C2orf81: variants seen among roughly 807,000 people sequenced by gnomAD.
C2orf81 encodes uncharacterized protein C2orf81.
A neutral mutation model predicts 7.9 loss-of-function variants in C2orf81; 5 were observed. The observed-to-expected ratio is 0.63, with a 90% CI of 0.33 to 1.33. C2orf81 has a LOEUF of 1.33. Ranked by LOEUF, C2orf81 falls within the 40% of genes most tolerant of loss-of-function variation. The pLI is 0.05. For missense variants in C2orf81, 781 were observed against 830.4 expected, an observed-to-expected ratio of 0.94 and a Z score of 0.73; for synonymous variants, 346 against 367.4, an observed-to-expected ratio of 0.94 and a Z score of 0.66.
At chr2:74,416,382 ATACT>A in intron 1 of C2orf81, 141 bp from the exon 2 acceptor site, 1 of 420,590 alleles carries the variant, frequency 2.4e-6, no homozygotes, top group Non-Finnish European at 4.2e-6. Context: ...TATGTGACAG[ATACT>A]TAGTAGATGT....
At chr2:74,419,249 A>T (rs1422804856) in intron 1 of C2orf81, among the ~76,000 whole-genome samples, 1 of 152,012 alleles carries the variant, frequency 6.6e-6, no homozygotes, top group African/African-American at 2.4e-5. Context: ...AGTGGCGCAC[A>T]CCCACAGTAC....
At chr2:74,417,671 G>A in intron 1 of C2orf81, 1 of 676,076 alleles carries the variant, frequency 1.5e-6, no homozygotes, top group Non-Finnish European at 2.2e-6. Context: ...GGAGTGGGGT[G>A]TGCCAGAATG....
rs531150326 is a variant in C2orf81, at chr2:74,421,619, C to G, written c.-59G>C. 2 of 439,078 alleles carry G rather than the reference C, an allele frequency of 4.6e-6. No homozygotes were observed. Among genetic ancestry groups the G allele is most frequent in the African/African-American group, 4.1e-5 (2 of 48,756 alleles). The allele number at this position is 439,078 out of a possible 1,614,324, so 27.2% of individuals were successfully genotyped here. A position where few individuals can be genotyped will look rare whatever the true frequency, so the allele number is the denominator to read the frequency against. ...GCTGCATCCGGGCCGCGTAAGCCAC[C>G]TAACAGTCGCCTGGGCAACCACGGG... On this transcript the variant is annotated 5_prime_UTR_variant, in exon 1 of 3. Transcript: ENST00000684111.
rs999664126 is a variant in C2orf81 at position 74,417,497 on chromosome 2, T to A, written c.19-1256A>T. ...AGTAGGGGACTCACACCCCTCCCGC[T>A]TTCCTGTAGCCAATGGGGGCTGTCC... On this transcript the variant is annotated intron_variant, in intron 1 of 2. Coordinates refer to ENST00000684111, the MANE Select transcript of C2orf81 (RefSeq NM_001316764.3). The A allele has an allele frequency of 5.6e-6, 7 of 1,253,338 alleles. No homozygotes were observed. The African/African-American group carries it at 1.1e-4, about 19-fold the overall frequency. The allele number at this position is 1,253,338 out of a possible 1,614,324, so 77.6% of individuals were successfully genotyped here.
intron 1 of C2orf81, chr2:74,418,374 C>T: frequency 6.3e-7 from 1 of 1,594,440 alleles, no homozygotes; most frequent in East Asian, 2.2e-5. Flanking sequence ...CACGGCCCCG[C>T]TTCTCAGTGC....
intron 1 of C2orf81, chr2:74,418,172 CCA>C (rs1676516050): frequency 8.8e-7 from 1 of 1,132,548 alleles, no homozygotes; most frequent in African/African-American, 1.5e-5. Context: ...TCCTCCTTCT[CCA>C]GTTTTTTGGG....
At chr2:74,417,514 G>T in intron 1 of C2orf81, 1 of 1,199,188 alleles carries the variant, frequency 8.3e-7, no homozygotes, top group Non-Finnish European at 1.1e-6. Context: ...TAGCCAATGG[G>T]GGCTGTCCAA....
Position 74,415,190 on chromosome 2 carries a change from C to A in C2orf81, c.987G>T (p.Ser329=), listed in dbSNP as rs1676415188. The A allele has an allele frequency of 5.9e-6, 9 of 1,514,128 alleles. No homozygotes were observed. The highest frequency in any genetic ancestry group is 7.9e-6 in the Non-Finnish European group (9 of 1,144,742). The allele number at this position is 1,514,128 out of a possible 1,614,324, so 93.8% of individuals were successfully genotyped here. Residue 329 remains serine (S), a synonymous_variant, in exon 3 of 3, where the codon TCG becomes TCT. Transcript: ENST00000684111. This position sits in a 1 kb window ranked among gnomAD's most constrained non-coding sequence, Gnocchi z 5.5. ...LRSEGVPCIA[S]GVLVSYPSVG... is the part of the protein sequence containing the mutation. ...CAGAGGGGTAGGACACCAACACGCC[C>A]GAGGCGATGCAGGGCACCCCCTCTG...
chr2:74,415,031 C>G lies in C2orf81; in HGVS notation c.1146G>C (p.Pro382=), dbSNP rs1428653200. The change falls in exon 3 of 3, where the codon CCG becomes CCC. Residue 382 remains proline, a synonymous_variant. Transcript: ENST00000684111. This position sits in a 1 kb window ranked among gnomAD's most constrained non-coding sequence, Gnocchi z 5.5. ...CAGCCAGAGGGCGCACCCAGTGGCA[C>G]GGGAGCCTCGCAGGGTCCAGGCGTT... ...AVKRLDPARL[P]CHWVRPLAEV... is the part of the protein sequence containing the mutation. 1.3e-6 allele frequency: 2 copies of G among 1,548,488 alleles called. No individual in the cohort carries two copies. Among genetic ancestry groups the G allele is most frequent in the Admixed American group, 3.9e-5 (2 of 50,886 alleles).
At chr2:74,417,456 G>A in intron 1 of C2orf81, 1 of 1,307,556 alleles carries the variant, frequency 7.6e-7, no homozygotes, top group African/African-American at 1.5e-5. Context: ...GGGGGCTGGG[G>A]CCACTGCAAA....
rs1473208486 is a variant in C2orf81, at chr2:74,414,533, C to T, written c.1644G>A (p.Pro548=). The T allele has an allele frequency of 2.9e-5, 44 of 1,543,616 alleles. No individual in the cohort carries two copies. The highest frequency in any genetic ancestry group is 3.6e-5 in the Non-Finnish European group (41 of 1,141,816). The part of the protein sequence containing the change: ...DPGRWPRTTP[P]VLEATSQVMW... The stretch of plus-strand genomic sequence containing the variant: ...TCACCTGGGAAGTGGCTTCAAGGAC[C>T]GGGGGTGTGGTTCGAGGCCATCTGC... Residue 548 remains proline, a synonymous_variant, in exon 3 of 3, where the codon CCG becomes CCA. Coordinates refer to ENST00000684111, the MANE Select transcript of C2orf81 (RefSeq NM_001316764.3). This position sits in a 1 kb window ranked among gnomAD's most constrained non-coding sequence, Gnocchi z 5.3.
At chr2:74,418,118 G>A in intron 1 of C2orf81, 4 of 758,296 alleles carry the variant, frequency 5.3e-6, no homozygotes, top group Middle Eastern at 3.6e-4. Flanking sequence ...GTCCCAGAAG[G>A]AAGCTGCTCC....
At chr2:74,421,248 G>C (rs756604016) in intron 1 of C2orf81, among the ~76,000 whole-genome samples, 50 of 152,176 alleles carry the variant, frequency 3.3e-4, no homozygotes, top group Non-Finnish European at 6.2e-4. Flanking sequence ...CACCATGTAA[G>C]AGACTTACTA....
In C2orf81 at chr2:74,417,577, G is replaced by A. The variant is rs538605361; in HGVS notation, c.19-1336C>T. ...GAAGGATGAAAGGTGTGAGCCTCAC[G>A]TGGTGACAAAGACAGTTTGGCTGGG... is the stretch of plus-strand genomic sequence containing the variant. On this transcript the variant is annotated intron_variant, in intron 1 of 2. Coordinates refer to ENST00000684111, the MANE Select transcript of C2orf81 (RefSeq NM_001316764.3). 6.2e-4 allele frequency: 675 copies of A among 1,082,420 alleles called. 1 individual carries two copies. Among genetic ancestry groups the A allele is most frequent in the Admixed American group, 9.2e-4 (31 of 33,668 alleles). 67.1% of individuals were successfully genotyped at this position (1,082,420 alleles called of 1,614,324 possible).
rs566514242 is a variant in C2orf81 at position 74,415,820 on chromosome 2, T to C, written c.357A>G (p.Thr119=). ...EGESAVAEDP[T]WGEDEEPSAC... is the part of the protein sequence containing the mutation. ...CCGAAGGCTCCTCGTCCTCACCCCA[T>C]GTGGGGTCCTCAGCTACTGCAGATT... is the stretch of plus-strand genomic sequence containing the variant. Residue 119 remains threonine, a synonymous_variant, in exon 3 of 3, where the codon ACA becomes ACG. Transcript: ENST00000684111. The surrounding 1 kb of genome is among the most constrained non-coding windows in gnomAD (Gnocchi z 5.5). 4 of 1,551,512 alleles carry C rather than the reference T, an allele frequency of 2.6e-6. No individual in the cohort carries two copies. The East Asian group carries it at 7.3e-5, about 28-fold the overall frequency.
chr2:74,417,716 TC>T, intron 1 of C2orf81: 1 of 566,884 alleles, frequency 1.8e-6, no homozygotes, highest in South Asian at 1.7e-5. Context: ...AGGGGAACCC[TC>T]CCAGGCCCCT....
chr2:74,418,236 A>G, intron 1 of C2orf81: 1 of 1,588,806 alleles, frequency 6.3e-7, no homozygotes, highest in Admixed American at 1.8e-5. Flanking sequence ...CGGTCTTGGC[A>G]GCACCCTTGT....
chr2:74,416,792 A>C (rs1348108661), intron 1 of C2orf81, among the ~76,000 whole-genome samples: 1 of 152,104 alleles, frequency 6.6e-6, no homozygotes, highest in Non-Finnish European at 1.5e-5. Flanking sequence ...TATTGGTGCT[A>C]TTTAGAGTCT....
intron 1 of C2orf81, among the ~76,000 whole-genome samples, chr2:74,416,962 TG>T (rs1217576666): frequency 1.3e-5 from 2 of 152,144 alleles, no homozygotes; most frequent in Non-Finnish European, 2.9e-5. Context: ...ATGGTGGATT[TG>T]GGCCCCCTTG....
Sources: gnomAD v4.1 joint callset for allele counts (sites outside exome capture counted in the v4.1 genomes callset) on GRCh38, gnomAD v4.1.1 for gene constraint, Gnocchi (gnomAD v3.1) non-coding constraint, MANE v1.5 for transcripts, NCBI Gene and HGNC (gene_info 2026-07-23, HGNC 2026-07-21) for gene names.